Variants in SLA2 observed in about 807,000 individuals in gnomAD.
The protein encoded by SLA2 is src-like-adapter 2.
SLA2 carries 22 observed loss-of-function variants against 27.3 expected under a neutral mutation model. That is an observed-to-expected ratio of 0.81 (90% CI 0.58 to 1.15). The LOEUF (loss-of-function observed/expected upper bound fraction) is 1.15, where lower values mean the gene tolerates loss of function less well. Among genes scored for constraint, SLA2 ranks in the 50% most tolerant of loss-of-function variants. The pLI is 0.00. For synonymous variants in SLA2, 131 were observed against 137.8 expected, an observed-to-expected ratio of 0.95 and a Z score of 0.34; for missense variants, 304 against 322.2, an observed-to-expected ratio of 0.94 and a Z score of 0.43.
chr20:36,634,858 C>A (rs1001587035), intron 2 of SLA2, among the ~76,000 whole-genome samples: 2 of 151,942 alleles, frequency 1.3e-5, no homozygotes, highest in African/African-American at 4.8e-5. Flanking sequence ...CACCACTGCA[C>A]GTAGGCTGAG....
intron 5 of SLA2, among the ~76,000 whole-genome samples, chr20:36,628,247 C>T (rs2039359016): frequency 6.6e-6 from 1 of 152,126 alleles, no homozygotes; most frequent in Non-Finnish European, 1.5e-5. Flanking sequence ...TCACTTGGGC[C>T]CCTAGAGTCA....
chr20:36,616,404 C>T (rs2039212273), intron 5 of SLA2, among the ~76,000 whole-genome samples: 1 of 148,992 alleles, frequency 6.7e-6, no homozygotes. Flanking sequence ...AATCTCGGCT[C>T]ACTGCAACCT....
At chr20:36,632,845 C>T (rs767221193) in intron 4 of SLA2, 147 bp from the exon 5 acceptor site, 6 of 660,358 alleles carry the variant, frequency 9.1e-6, no homozygotes, top group Non-Finnish European at 1.6e-5. Context: ...GAGCTGGGCT[C>T]AGGGTCTCCG....
chr20:36,631,328 T>C (rs1304836554), intron 5 of SLA2, among the ~76,000 whole-genome samples: 1 of 152,164 alleles, frequency 6.6e-6, no homozygotes, highest in Non-Finnish European at 1.5e-5. Flanking sequence ...ACATTTTAAA[T>C]TTTTTTGTAG....
intron 4 of SLA2, 47 bp downstream of exon 4, chr20:36,633,496 G>C: frequency 6.7e-7 from 1 of 1,490,112 alleles, no homozygotes; most frequent in Non-Finnish European, 9.4e-7. Flanking sequence ...TCTTGTGGGA[G>C]GAGAAAGCAG....
At chr20:36,629,372 C>T (rs1407529135) in intron 5 of SLA2, among the ~76,000 whole-genome samples, 1 of 150,980 alleles carries the variant, frequency 6.6e-6, no homozygotes, top group Non-Finnish European at 1.5e-5. Context: ...TGGCTCATGC[C>T]TGTATCCTAG....
At chr20:36,634,080 C>G (rs148950733) in intron 3 of SLA2, among the ~76,000 whole-genome samples, 142 of 152,058 alleles carry the variant, frequency 9.3e-4, no homozygotes, top group African/African-American at 3.3e-3. Flanking sequence ...CTCCTCCTCC[C>G]AGGTTCAAGT....
At chr20:36,643,461 C>G (rs1978285236) in intron 1 of SLA2, among the ~76,000 whole-genome samples, 2 of 152,192 alleles carry the variant, frequency 1.3e-5, no homozygotes, top group African/African-American at 2.4e-5. Flanking sequence ...GAGGAGATCA[C>G]TGAATGGGGT....
chr20:36,615,194 G>A, intron 6 of SLA2, 31 bp downstream of exon 6: 1 of 1,613,860 alleles, frequency 6.2e-7, no homozygotes, highest in East Asian at 2.2e-5. Flanking sequence ...GACTATCCCA[G>A]CCTAGTCCTG....
intron 1 of SLA2, among the ~76,000 whole-genome samples, chr20:36,643,026 T>C (rs1346323482): frequency 5.3e-5 from 8 of 152,170 alleles, no homozygotes; most frequent in Non-Finnish European, 1.5e-5. Flanking sequence ...CTTGGGAAGT[T>C]TTCATCATTC....
chr20:36,628,988 A>G (rs2039366412), intron 5 of SLA2, among the ~76,000 whole-genome samples: 1 of 151,954 alleles, frequency 6.6e-6, no homozygotes, highest in South Asian at 2.1e-4. Context: ...CTTTGATAAC[A>G]ATAGCTGCAT....
At chr20:36,622,128 T>G (rs937329784) in intron 5 of SLA2, among the ~76,000 whole-genome samples, 4 of 150,966 alleles carry the variant, frequency 2.6e-5, no homozygotes, top group African/African-American at 9.8e-5. Context: ...AAGACCAGCC[T>G]GGCCAACCCA....
chr20:36,630,049 T>C (rs762379866), intron 5 of SLA2, among the ~76,000 whole-genome samples: 13 of 152,176 alleles, frequency 8.5e-5, no homozygotes, highest in Non-Finnish European at 1.5e-4. Context: ...CCAGCCACTA[T>C]ATTCTTGGGG....
intron 2 of SLA2, among the ~76,000 whole-genome samples, chr20:36,640,936 G>T (rs183247404): frequency 7.3e-4 from 111 of 152,318 alleles, no homozygotes; most frequent in African/African-American, 2.6e-3. Flanking sequence ...TAAACAACTG[G>T]TTGAGAAGGA....
chr20:36,625,130 A>G (rs1489519982), intron 5 of SLA2, among the ~76,000 whole-genome samples: 1 of 152,030 alleles, frequency 6.6e-6, no homozygotes, highest in Admixed American at 6.6e-5. Flanking sequence ...CTGTCTTGTC[A>G]GCACATCCAC....
At position 36,615,340 on chromosome 20, in the gene SLA2, A is replaced by C. The variant is rs1351113480; in HGVS notation, c.417T>G (p.Pro139=). Residue 139 remains proline (P), a synonymous_variant, in exon 6 of 8, where the codon CCT becomes CCG. Transcript: ENST00000262866. ...AGTGTCTGATCCGGTCCCAGGATGCAGGGCGGCTGAGGCGGACTGACAGAG... is the reference window on the plus strand; with the variant it reads ...AGTGTCTGATCCGGTCCCAGGATGCCGGGCGGCTGAGGCGGACTGACAGAG... ...SYSLSVRLSR[P]ASWDRIRHYR... 1.9e-6 allele frequency: 3 copies of C among 1,613,966 alleles called. No individual in the cohort carries two copies. Among genetic ancestry groups the C allele is most frequent in the Non-Finnish European group, 2.5e-6 (3 of 1,180,024 alleles).
At chr20:36,643,505 C>T (rs1251067785) in intron 1 of SLA2, among the ~76,000 whole-genome samples, 1 of 152,154 alleles carries the variant, frequency 6.6e-6, no homozygotes, top group Non-Finnish European at 1.5e-5. Flanking sequence ...TGCCTTTGAA[C>T]CCCACACTGC....
Position 36,615,216 on chromosome 20 carries a change from A to C in SLA2, c.532+9T>G. The C allele has an allele frequency of 6.2e-7, 1 of 1,614,108 alleles. No homozygotes were observed. The highest frequency in any genetic ancestry group is 8.5e-7 in the Non-Finnish European group (1 of 1,180,026). On this transcript the variant is annotated intron_variant, in intron 6 of 7. Coordinates refer to ENST00000262866, the MANE Select transcript of SLA2 (RefSeq NM_032214.4). The stretch of plus-strand genomic sequence containing the variant: ...CCAGCCTAGTCCTGGAGGCAGGGAA[A>C]GGCCATACCAGAGTAATGGTCCACC...
intron 6 of SLA2, 124 bp from the exon 7 acceptor site, chr20:36,614,561 T>C (rs2039185136): frequency 1.4e-6 from 2 of 1,470,212 alleles, no homozygotes; most frequent in Non-Finnish European, 1.8e-6. Flanking sequence ...TGATAGGACA[T>C]GAGCCCCAAG....
Sources: gnomAD v4.1 joint callset for allele counts (sites outside exome capture counted in the v4.1 genomes callset) on GRCh38, gnomAD v4.1.1 for gene constraint, MANE v1.5 for transcripts, NCBI Gene and HGNC (gene_info 2026-07-23, HGNC 2026-07-21) for gene names.